Variants in NEO1 observed in about 807,000 individuals in gnomAD.
NEO1 encodes the protein neogenin 1, also known as neogenin.
Under a neutral mutation model 159.7 loss-of-function variants are expected in NEO1, and 63 were observed. The observed-to-expected ratio is 0.39, with a 90% CI of 0.32 to 0.49. The LOEUF is 0.49. Among genes scored for constraint, NEO1 ranks in the 20% least tolerant of loss-of-function variants. NEO1 has a pLI of 0.85. For synonymous variants in NEO1, 633 were observed against 662.0 expected (o/e 0.96, Z 0.67); for missense variants, 1,615 against 1,831.0 (o/e 0.88, Z 2.15).
In NEO1 at chr15:73,304,859, G is replaced by A. The variant is rs2042730260; in HGVS notation, c.*2163G>A. The A allele has an allele frequency of 1.3e-5, 2 of 151,976 alleles. No homozygotes were observed. The highest frequency in any genetic ancestry group is 2.9e-5 in the Non-Finnish European group (2 of 67,998). 9.4% of individuals were successfully genotyped at this position (151,976 alleles called of 1,614,324 possible). ...AATAAAATAACTGTTCAAAGTTGGG[G>A]GTTTTTTAAAAAATTAAGAAAAAGG... is the stretch of plus-strand genomic sequence containing the variant. On this transcript the variant is annotated 3_prime_UTR_variant, in exon 29 of 29. Coordinates refer to ENST00000261908, the MANE Select transcript of NEO1 (RefSeq NM_002499.4).
intron 1 of NEO1, among the ~76,000 whole-genome samples, chr15:73,114,622 G>A (rs1039381304): frequency 3.3e-5 from 5 of 152,134 alleles, no homozygotes; most frequent in African/African-American, 7.2e-5. Context: ...GTTAAACTGC[G>A]AAACATTTAA....
chr15:73,244,480 G>T lies in NEO1; in HGVS notation c.1588G>T (p.Val530Leu). ...AGGAGAGAGTTCAGCTCCACTGCGA[G>T]TAGAAACACAACCTGAGGGTAAGTC... is the stretch of plus-strand genomic sequence containing the variant. Reference protein sequence around the residue: ...GSGESSAPLRVETQPEVQLPG... With the variant: ...GSGESSAPLRLETQPEVQLPG... The change falls in exon 9 of 29, where the codon GTA becomes TTA. Residue 530 changes from valine (V) to leucine (L), a missense_variant. By Grantham distance (32) the Val-to-Leu change is conservative (BLOSUM62 1). This residue lies in a region of NEO1 where 1,018 missense variants were observed against 1,115.4 expected (regional missense o/e 0.91). Transcript: ENST00000261908. 1 of 1,613,652 alleles carries T rather than the reference G, an allele frequency of 6.2e-7. No individual in the cohort carries two copies. Among genetic ancestry groups the T allele is most frequent in the Non-Finnish European group, 8.5e-7 (1 of 1,179,740 alleles).
chr15:73,295,534 C>T (rs1480136783), intron 26 of NEO1, among the ~76,000 whole-genome samples: 2 of 151,662 alleles, frequency 1.3e-5, no homozygotes, highest in African/African-American at 4.9e-5. Flanking sequence ...TAAGCATTCC[C>T]TGCTCTACGG....
intron 23 of NEO1, among the ~76,000 whole-genome samples, chr15:73,285,919 C>A (rs1170460631): frequency 6.6e-6 from 1 of 152,172 alleles, no homozygotes; most frequent in East Asian, 1.9e-4. Flanking sequence ...CCCCCTGAAT[C>A]TCATTGTCTT....
intron 4 of NEO1, among the ~76,000 whole-genome samples, chr15:73,132,584 T>C (rs2031266232): frequency 6.6e-6 from 1 of 152,068 alleles, no homozygotes; most frequent in Non-Finnish European, 1.5e-5. Context: ...AAATAATCAG[T>C]AGAGTAAACA....
At chr15:73,277,255 A>T (rs1238600578) in intron 21 of NEO1, among the ~76,000 whole-genome samples, 1 of 152,210 alleles carries the variant, frequency 6.6e-6, no homozygotes, top group Admixed American at 6.5e-5. Flanking sequence ...GAGAAGTATG[A>T]TATTGCTTTC....
At chr15:73,259,430 G>T (rs985796438) in intron 14 of NEO1, among the ~76,000 whole-genome samples, 27 of 146,222 alleles carry the variant, frequency 1.8e-4, no homozygotes, top group Non-Finnish European at 2.7e-4. Flanking sequence ...TGCAGTCATG[G>T]TTCACTGCAG....
chr15:73,187,223 G>A (rs1445373842), intron 7 of NEO1, among the ~76,000 whole-genome samples: 4 of 152,226 alleles, frequency 2.6e-5, no homozygotes, highest in African/African-American at 9.6e-5. Flanking sequence ...GTTAAGCTCA[G>A]ATAGTGATCA....
At chr15:73,258,659 C>G in intron 13 of NEO1, 107 bp from the exon 14 acceptor site, 1 of 862,432 alleles carries the variant, frequency 1.2e-6, no homozygotes, top group Non-Finnish European at 1.9e-6. Flanking sequence ...CTTTGCCAAG[C>G]TATATACTGA....
At chr15:73,225,949 G>A (rs1006647416) in intron 7 of NEO1, among the ~76,000 whole-genome samples, 2 of 152,168 alleles carry the variant, frequency 1.3e-5, no homozygotes, top group African/African-American at 2.4e-5. Context: ...GGGACCTAGT[G>A]AGCTCCCGGG....
chr15:73,052,158 C>T (rs7165809), upstream of NEO1, among the ~76,000 whole-genome samples: 113 of 146,118 alleles, frequency 7.7e-4, no homozygotes, highest in African/African-American at 2.8e-3. Flanking sequence ...TCAGCGGCTC[C>T]GGGGAGAAGG....
chr15:73,279,831 T>A (rs1440544010), intron 22 of NEO1, among the ~76,000 whole-genome samples: 1 of 152,062 alleles, frequency 6.6e-6, no homozygotes. Flanking sequence ...CAGGAAGCAA[T>A]ATCAGCATGT....
At chr15:73,285,849 C>T (rs1487573640) in intron 23 of NEO1, among the ~76,000 whole-genome samples, 1 of 152,066 alleles carries the variant, frequency 6.6e-6, no homozygotes, top group Non-Finnish European at 1.5e-5. Flanking sequence ...CACTGGTAAT[C>T]ATCGTTTCCT....
rs887548347 is a variant in NEO1, at chr15:73,215,934, AT to A, written c.1292-20404del. Among the ~76,000 whole-genome samples, 41 of 151,018 alleles carry A rather than the reference AT, an allele frequency of 2.7e-4. 1 individual carries two copies. The highest frequency in any genetic ancestry group is 6.6e-4 in the Admixed American group (10 of 15,162). ...GTCCTGGACATTTTTTTTGTTGGTA[AT>A]TTTTTTTTAATTATACTTTAAGTTT... On this transcript the variant is annotated intron_variant, in intron 7 of 28. Transcript: ENST00000261908.
intron 1 of NEO1, among the ~76,000 whole-genome samples, chr15:73,114,895 CTAT>C (rs1248556874): frequency 6.6e-6 from 1 of 151,962 alleles, no homozygotes; most frequent in African/African-American, 2.4e-5. Context: ...GTTTATTCTA[CTAT>C]GATTCCAGTA....
chr15:73,271,821 C>T (rs1197005491), intron 18 of NEO1, among the ~76,000 whole-genome samples: 1 of 149,602 alleles, frequency 6.7e-6, no homozygotes, highest in Non-Finnish European at 1.5e-5. Flanking sequence ...GCACGAGAAT[C>T]ACTTGAACCC....
In NEO1 at chr15:73,052,746, TCGGGCGCCGGGCGC is replaced by T; in HGVS notation, c.81_94del (p.Ala28GlyfsTer34). ...TTCTGGCTCTACTGCCTGCTGCTGC[TCGGGCGCCGGGCGC>T]CGGGCGCCGCGGCCGCCAGGAGCGG... On this transcript the variant is annotated frameshift_variant, in exon 1 of 29. Coordinates refer to ENST00000261908, the MANE Select transcript of NEO1 (RefSeq NM_002499.4). LOFTEE classifies it high-confidence loss of function. 3 of 1,289,168 alleles carry T rather than the reference TCGGGCGCCGGGCGC, an allele frequency of 2.3e-6. No individual in the cohort carries two copies. The highest frequency in any genetic ancestry group is 3.2e-5 in the Admixed American group (1 of 30,956). The allele number at this position is 1,289,168 out of a possible 1,614,324, so 79.9% of individuals were successfully genotyped here. A position where few individuals can be genotyped will look rare whatever the true frequency, so the allele number is the denominator to read the frequency against.
chr15:73,089,527 A>G (rs1479580816), intron 1 of NEO1, among the ~76,000 whole-genome samples: 1 of 152,186 alleles, frequency 6.6e-6, no homozygotes, highest in Non-Finnish European at 1.5e-5. Context: ...TATGCAATGC[A>G]TGGAAAATAA....
At chr15:73,245,676 G>A (rs1474912545) in intron 9 of NEO1, among the ~76,000 whole-genome samples, 4 of 151,310 alleles carry the variant, frequency 2.6e-5, no homozygotes, top group African/African-American at 4.9e-5. Context: ...CTGGGTTCAC[G>A]CCATTCTCTT....
Sources: gnomAD v4.1 joint callset for allele counts (sites outside exome capture counted in the v4.1 genomes callset) on GRCh38, gnomAD v4.1.1 for gene constraint, gnomAD v4.1.1 regional missense constraint, MANE v1.5 for transcripts, NCBI Gene and HGNC (gene_info 2026-07-23, HGNC 2026-07-21) for gene names.